CNTNAP5: variants seen among roughly 807,000 people sequenced by gnomAD.
The protein encoded by CNTNAP5 is contactin-associated protein-like 5.
CNTNAP5 carries 72 observed loss-of-function variants against 150.2 expected under a neutral mutation model. That is an observed-to-expected ratio of 0.48 (90% confidence interval 0.40 to 0.58). CNTNAP5 has a LOEUF of 0.58. Ranked by LOEUF, CNTNAP5 falls within the 20% of genes least tolerant of loss-of-function variation. CNTNAP5 has a pLI of 0.00. For missense variants in CNTNAP5, 1,636 were observed against 1,626.2 expected, an observed-to-expected ratio of 1.01 and a Z score of -0.10; for synonymous variants, 672 against 619.8, an observed-to-expected ratio of 1.08 and a Z score of -1.25.
chr2:124,745,210 C>G (rs1680580297), intron 13 of CNTNAP5, among the ~76,000 whole-genome samples: 1 of 152,134 alleles, frequency 6.6e-6, no homozygotes, highest in Admixed American at 6.5e-5. Flanking sequence ...CTGTTCAGAG[C>G]TTATACCATT....
At chr2:124,789,121 C>A (rs1163289021) in intron 17 of CNTNAP5, among the ~76,000 whole-genome samples, 1 of 152,224 alleles carries the variant, frequency 6.6e-6, no homozygotes, top group African/African-American at 2.4e-5. Flanking sequence ...CTGCACTGTG[C>A]AAGCATTAGG....
At chr2:124,588,157 T>TCCTTCCTTCCTTCCTTCCTTCCTTCC (rs59736295) in intron 11 of CNTNAP5, among the ~76,000 whole-genome samples, 1 of 79,242 alleles carries the variant, frequency 1.3e-5, no homozygotes, top group African/African-American at 5.4e-5. Flanking sequence ...CTTCCTTCCT[T>TCCTTCCTTCCTTCCTTCCTTCCTTCC]TTCCTTCCTT....
intron 1 of CNTNAP5, among the ~76,000 whole-genome samples, chr2:124,046,746 C>T (rs532234143): frequency 2.0e-5 from 3 of 152,242 alleles, no homozygotes; most frequent in Admixed American, 6.5e-5. Flanking sequence ...GCCAAGGGGA[C>T]ATTTTAGACA....
intron 3 of CNTNAP5, among the ~76,000 whole-genome samples, chr2:124,280,411 C>A (rs966035604): frequency 3.9e-5 from 6 of 152,084 alleles, no homozygotes; most frequent in Non-Finnish European, 7.4e-5. Flanking sequence ...CTCAGGAAAT[C>A]CACCCGCCTT....
At chr2:124,584,518 C>G (rs1298187385) in intron 11 of CNTNAP5, among the ~76,000 whole-genome samples, 1 of 152,144 alleles carries the variant, frequency 6.6e-6, no homozygotes, top group African/African-American at 2.4e-5. Flanking sequence ...ATCTTTTCCT[C>G]AAACCTCATG....
In CNTNAP5 at chr2:124,153,859, C is replaced by T. The variant is rs139982965; in HGVS notation, c.83-67846C>T. On this transcript the variant is annotated intron_variant, in intron 1 of 23. Transcript: ENST00000682447. ...AACTCCTGACCTCAGTTGATCCACC[C>T]GCCTCGGCCTCCAAAAGTGCTGGGA... Among the ~76,000 whole-genome samples, 37 of 151,876 alleles carry T rather than the reference C, an allele frequency of 2.4e-4. No homozygotes were observed. The East Asian group carries it at 5.8e-3, about 24-fold the overall frequency.
At chr2:124,237,048 G>C (rs1427584605) in intron 2 of CNTNAP5, among the ~76,000 whole-genome samples, 1 of 152,062 alleles carries the variant, frequency 6.6e-6, no homozygotes, top group Non-Finnish European at 1.5e-5. Context: ...AGAATCCCTT[G>C]AACCCAGGAG....
At position 124,610,876 on chromosome 2, in the gene CNTNAP5, G is replaced by T. The variant is rs770268258; in HGVS notation, c.1876+956G>T. On this transcript the variant is annotated intron_variant, in intron 12 of 23. Transcript: ENST00000682447. ...CGAGGCTGAGGCACGAGACTCGCTTGAACCCGGGAGACGGAGGTTGCAGTC... is the reference window on the plus strand; with the variant it reads ...CGAGGCTGAGGCACGAGACTCGCTTTAACCCGGGAGACGGAGGTTGCAGTC... Among the ~76,000 whole-genome samples the T allele has an allele frequency of 8.4e-4, 127 of 150,690 alleles. 3 individuals are homozygous for T. The highest frequency in any genetic ancestry group is 3.5e-3 in the Middle Eastern group (1 of 284).
chr2:124,656,817 T>A (rs767682238), intron 13 of CNTNAP5, among the ~76,000 whole-genome samples: 2 of 152,144 alleles, frequency 1.3e-5, no homozygotes, highest in African/African-American at 4.8e-5. Flanking sequence ...GATAAAGGAA[T>A]GCACATGTAG....
intron 19 of CNTNAP5, among the ~76,000 whole-genome samples, chr2:124,851,733 G>T (rs1364195050): frequency 1.3e-5 from 2 of 152,160 alleles, no homozygotes; most frequent in Admixed American, 6.5e-5. Context: ...TTATATGGTC[G>T]CCTTAGCCAA....
chr2:124,618,922 G>C (rs563357212), intron 12 of CNTNAP5, among the ~76,000 whole-genome samples: 8 of 152,226 alleles, frequency 5.3e-5, no homozygotes, highest in Admixed American at 5.2e-4. Context: ...GGGTTAAATG[G>C]CACTAAGGTT....
rs1558839196 is a variant in CNTNAP5 at position 124,297,815 on chromosome 2, TATTATTA to T, written c.381+55423_381+55429del. Among the ~76,000 whole-genome samples, 488 of 78,136 alleles carry T rather than the reference TATTATTA, an allele frequency of 6.2e-3. 2 individuals are homozygous for T. The highest frequency in any genetic ancestry group is 8.4e-3 in the Non-Finnish European group (334 of 39,902). 51.3% of individuals were successfully genotyped at this position (78,136 alleles called of 152,430 possible). On this transcript the variant is annotated intron_variant, in intron 3 of 23. Coordinates refer to ENST00000682447, the MANE Select transcript of CNTNAP5 (RefSeq NM_001367498.1). ...AGGCAATCCACATCCAATTATTTATTATTATTATTATTATTATTATTATTATTATTAT... is the reference window on the plus strand; with the variant it reads ...AGGCAATCCACATCCAATTATTTATTTTATTATTATTATTATTATTATTAT...
chr2:124,660,249 C>G lies in CNTNAP5; in HGVS notation c.2077+12291C>G, dbSNP rs545000779. On this transcript the variant is annotated intron_variant, in intron 13 of 23. Coordinates refer to ENST00000682447, the MANE Select transcript of CNTNAP5 (RefSeq NM_001367498.1). ...AACGCACTGAGTCTGAAGGAGAGCA[C>G]AGAGAGAGGCTAGGTAGGCATCTAT... 8.8e-4 allele frequency among the ~76,000 whole-genome samples: 134 copies of G among 152,154 alleles called. 1 individual carries two copies. The South Asian group carries it at 0.016, about 18-fold the overall frequency.
intron 19 of CNTNAP5, among the ~76,000 whole-genome samples, chr2:124,810,915 C>T (rs557497141): frequency 6.6e-6 from 1 of 152,064 alleles, no homozygotes; most frequent in South Asian, 2.1e-4. Flanking sequence ...CCAGGATAGC[C>T]CCCCGATGAA....
chr2:124,411,890 A>G (rs1691776548), intron 3 of CNTNAP5, among the ~76,000 whole-genome samples: 1 of 58,862 alleles, frequency 1.7e-5, no homozygotes. Context: ...GCAATTAGGC[A>G]GGAGAAGGAA....
intron 1 of CNTNAP5, among the ~76,000 whole-genome samples, chr2:124,085,212 G>A (rs960509736): frequency 1.3e-5 from 2 of 152,042 alleles, no homozygotes; most frequent in African/African-American, 4.8e-5. Flanking sequence ...GAGCCACCAC[G>A]TCTGGCCGAA....
chr2:124,660,364 G>T (rs990441906), intron 13 of CNTNAP5, among the ~76,000 whole-genome samples: 2 of 152,140 alleles, frequency 1.3e-5, no homozygotes, highest in African/African-American at 4.8e-5. Flanking sequence ...TTAGATGAAA[G>T]CACTAGTACA....
At chr2:124,569,445 A>T (rs967969986) in intron 11 of CNTNAP5, among the ~76,000 whole-genome samples, 114 of 152,228 alleles carry the variant, frequency 7.5e-4, no homozygotes, top group Non-Finnish European at 6.3e-4. Flanking sequence ...CTTGTATTAT[A>T]GGAATAAGAT....
At chr2:124,305,925 T>C (rs1425106962) in intron 3 of CNTNAP5, among the ~76,000 whole-genome samples, 1 of 152,164 alleles carries the variant, frequency 6.6e-6, no homozygotes, top group Admixed American at 6.5e-5. Context: ...TTATGGCACA[T>C]TTTATTATTT....
Sources: allele counts gnomAD v4.1 joint callset (sites outside exome capture counted in the v4.1 genomes callset), GRCh38; gene constraint gnomAD v4.1.1; transcripts MANE v1.5; gene names NCBI Gene and HGNC (gene_info 2026-07-23, HGNC 2026-07-21).